Variants in CAMK2D observed in about 807,000 individuals in gnomAD.
The protein encoded by CAMK2D is calcium/calmodulin dependent protein kinase II delta.
A neutral mutation model predicts 84.0 loss-of-function variants in CAMK2D; 37 were observed. That is an observed-to-expected ratio of 0.44 (90% CI 0.34 to 0.58). The LOEUF is 0.58. Among genes scored for constraint, CAMK2D ranks in the 20% least tolerant of loss-of-function variants. CAMK2D has a pLI of 0.02. For synonymous variants in CAMK2D, 202 were observed against 212.5 expected (o/e 0.95, Z 0.43); for missense variants, 448 against 652.5 (o/e 0.69, Z 3.41).
At chr4:113,647,000 T>C (rs2099154678) in intron 3 of CAMK2D, among the ~76,000 whole-genome samples, 1 of 152,270 alleles carries the variant, frequency 6.6e-6, no homozygotes, top group Non-Finnish European at 1.5e-5. Flanking sequence ...AACCTCATGA[T>C]AGCCTTACAT....
chr4:113,709,746 G>GATATATACATAT (rs1298341709), intron 2 of CAMK2D, among the ~76,000 whole-genome samples: 2 of 49,824 alleles, frequency 4.0e-5, no homozygotes, highest in African/African-American at 2.2e-4. Context: ...AGCCGTGAAC[G>GATATATACATAT]ATATATATAT....
At chr4:113,743,837 T>C (rs900415919) in intron 2 of CAMK2D, among the ~76,000 whole-genome samples, 9 of 151,870 alleles carry the variant, frequency 5.9e-5, no homozygotes, top group Non-Finnish European at 1.3e-4. Flanking sequence ...TTCTCTTTTA[T>C]CTTCCCTACT....
Position 113,494,494 on chromosome 4 carries a change from T to C in CAMK2D, c.1135+5969A>G, listed in dbSNP as rs529723656. Among the ~76,000 whole-genome samples, 1,132 of 151,778 alleles carry C rather than the reference T, an allele frequency of 7.5e-3. 12 individuals carry two copies. Among genetic ancestry groups the C allele is most frequent in the African/African-American group, 0.025 (1,047 of 41,370 alleles). ...GACCCACTTGAGGAGGCAGTCTGCC[T>C]GTTCTCAGATCTCCAGCTGCGTGCT... On this transcript the variant is annotated intron_variant, in intron 16 of 20. Coordinates refer to ENST00000511664, the MANE Select transcript of CAMK2D (RefSeq NM_001321571.2).
In CAMK2D at chr4:113,601,917, G is replaced by A. The variant is rs982047256; in HGVS notation, c.275+7235C>T. 2.3e-4 allele frequency among the ~76,000 whole-genome samples: 35 copies of A among 151,588 alleles called. 1 individual carries two copies. The highest frequency in any genetic ancestry group is 2.3e-3 in the Admixed American group (35 of 15,214). Reference sequence around the variant, plus strand: ...TTGCTATGTTGCCCAGGCTGGTCTCGAACTCCTGGGCTTAAGCGATCTCCT... The same window carrying A: ...TTGCTATGTTGCCCAGGCTGGTCTCAAACTCCTGGGCTTAAGCGATCTCCT... On this transcript the variant is annotated intron_variant, in intron 4 of 20. Coordinates refer to ENST00000511664, the MANE Select transcript of CAMK2D (RefSeq NM_001321571.2).
At chr4:113,581,946 C>A (rs1286379586) in intron 4 of CAMK2D, among the ~76,000 whole-genome samples, 1 of 152,158 alleles carries the variant, frequency 6.6e-6, no homozygotes, top group East Asian at 1.9e-4. Flanking sequence ...GCTCATCTCC[C>A]TTTCCATGAC....
chr4:113,706,567 GCTCA>G (rs2099457066), intron 2 of CAMK2D, among the ~76,000 whole-genome samples: 1 of 152,264 alleles, frequency 6.6e-6, no homozygotes. Flanking sequence ...AGGAAATGTG[GCTCA>G]CTATTTTAAC....
intron 4 of CAMK2D, among the ~76,000 whole-genome samples, chr4:113,583,628 T>G (rs1005277133): frequency 2.2e-4 from 34 of 152,198 alleles, no homozygotes; most frequent in Admixed American, 3.3e-4. Context: ...AAAATTTAGC[T>G]GATAATTGCT....
intron 16 of CAMK2D, among the ~76,000 whole-genome samples, chr4:113,469,515 A>G (rs990104685): frequency 6.6e-6 from 1 of 152,174 alleles, no homozygotes; most frequent in Admixed American, 6.5e-5. Context: ...CTGCATCCCT[A>G]AAGTCCTGTG....
rs979651869 is a variant in CAMK2D, at chr4:113,530,084, G to A, written c.601+1132C>T. On this transcript the variant is annotated intron_variant, in intron 8 of 20. Transcript: ENST00000511664. ...GGTTTGAGAACTTCTACTGTAAGTC[G>A]ATCACTAGAGAATATCAACTTCAAA... Among the ~76,000 whole-genome samples the A allele has an allele frequency of 2.6e-5, 4 of 152,202 alleles. No homozygotes were observed. In the East Asian group the frequency reaches 5.8e-4, roughly 22 times the overall value.
intron 2 of CAMK2D, among the ~76,000 whole-genome samples, chr4:113,721,486 G>T (rs942637218): frequency 5.9e-5 from 9 of 152,174 alleles, no homozygotes; most frequent in African/African-American, 1.9e-4. Context: ...AATACAATAT[G>T]TAACTTTGTC....
chr4:113,689,016 G>A (rs1447759502), intron 2 of CAMK2D, among the ~76,000 whole-genome samples: 6 of 151,524 alleles, frequency 4.0e-5, no homozygotes, highest in East Asian at 1.9e-4. Context: ...AGGCCAAGGC[G>A]GGCAGATCAC....
Position 113,500,588 on chromosome 4 carries a change from A to T in CAMK2D, c.1087-77T>A, listed in dbSNP as rs1250946927. 7 of 884,106 alleles carry T rather than the reference A, an allele frequency of 7.9e-6. No homozygotes were observed. In the Admixed American group the frequency reaches 8.4e-5, roughly 11 times the overall value. The allele number at this position is 884,106 out of a possible 1,614,324, so 54.8% of individuals were successfully genotyped here. ...TCCTCCTTAAAAATTGGCTAGTGAC[A>T]TACATATCATGCAAAATTCTTCAGC... On this transcript the variant is annotated intron_variant, in intron 15 of 20. Transcript: ENST00000511664.
Position 113,462,278 on chromosome 4 carries a change from GTGTGTGTGTGTGTGTGTCTGTCTGTC to G in CAMK2D, c.1212-2063_1212-2038del, listed in dbSNP as rs1206448881. ...AGTATATTTGGAAATGTGTGTGTGT[GTGTGTGTGTGTGTGTGTCTGTCTGTC>G]TGTCTGTCTGTCTGTCTGTCTGTCT... is the stretch of plus-strand genomic sequence containing the variant. On this transcript the variant is annotated intron_variant, in intron 17 of 20. Transcript: ENST00000511664. 5.4e-3 allele frequency among the ~76,000 whole-genome samples: 449 copies of G among 83,482 alleles called. 3 individuals are homozygous for G. The highest frequency in any genetic ancestry group is 0.023 in the Middle Eastern group (4 of 174). 54.8% of individuals were successfully genotyped at this position (83,482 alleles called of 152,430 possible). A position where few individuals can be genotyped will look rare whatever the true frequency, so the allele number is the denominator to read the frequency against.
chr4:113,629,783 G>T (rs1382025817), intron 3 of CAMK2D, among the ~76,000 whole-genome samples: 1 of 135,130 alleles, frequency 7.4e-6, no homozygotes, highest in African/African-American at 2.9e-5. Flanking sequence ...TTATGTTCTT[G>T]GTAAAAAAAA....
intron 4 of CAMK2D, among the ~76,000 whole-genome samples, chr4:113,574,840 T>C (rs1038333059): frequency 1.3e-5 from 2 of 152,206 alleles, no homozygotes; most frequent in African/African-American, 4.8e-5. Flanking sequence ...AGAGAACACA[T>C]AAATGAAAAC....
intron 2 of CAMK2D, among the ~76,000 whole-genome samples, chr4:113,718,118 G>C (rs577674996): frequency 6.6e-6 from 1 of 152,270 alleles, no homozygotes; most frequent in East Asian, 1.9e-4. Flanking sequence ...TTTACCAAGA[G>C]AGGGAAATTG....
chr4:113,542,955 G>C (rs1457042328), intron 6 of CAMK2D, among the ~76,000 whole-genome samples: 2 of 152,086 alleles, frequency 1.3e-5, no homozygotes, highest in East Asian at 1.9e-4. Flanking sequence ...TAATAGTAAA[G>C]GCAGCATTCT....
intron 7 of CAMK2D, among the ~76,000 whole-genome samples, chr4:113,533,689 C>T (rs1203673298): frequency 6.6e-6 from 1 of 150,890 alleles, no homozygotes; most frequent in Non-Finnish European, 1.5e-5. Context: ...CAACAAAATG[C>T]TAGAAATGTA....
rs896620931 is a variant in CAMK2D, at chr4:113,453,319, G to A, written c.*1226C>T. ...CTCTCTAACACTAGAAAACTAGCTA[G>A]TGATGATGCAGAAGTGACCCTTTCA... On this transcript the variant is annotated 3_prime_UTR_variant, in exon 21 of 21. Transcript: ENST00000511664. The A allele has an allele frequency of 5.9e-5, 9 of 152,166 alleles. No individual in the cohort carries two copies. Among genetic ancestry groups the A allele is most frequent in the Non-Finnish European group, 1.0e-4 (7 of 68,026 alleles). 9.4% of individuals were successfully genotyped at this position (152,166 alleles called of 1,614,324 possible).
Sources: allele counts gnomAD v4.1 joint callset (sites outside exome capture counted in the v4.1 genomes callset), GRCh38; gene constraint gnomAD v4.1.1; transcripts MANE v1.5; gene names NCBI Gene and HGNC (gene_info 2026-07-23, HGNC 2026-07-21).